PCDH10: variants seen among roughly 807,000 people sequenced by gnomAD.
PCDH10 encodes protocadherin-10.
A neutral mutation model predicts 74.4 loss-of-function variants in PCDH10; 15 were observed. The observed-to-expected ratio is 0.20, with a 90% CI of 0.13 to 0.31. PCDH10 has a LOEUF of 0.31. Ranked by LOEUF, PCDH10 falls within the 10% of genes least tolerant of loss-of-function variation. PCDH10 has a pLI of 1.00. For synonymous variants in PCDH10, 619 were observed against 589.8 expected, an observed-to-expected ratio of 1.05 and a Z score of -0.72; for missense variants, 1,260 against 1,390.2, an observed-to-expected ratio of 0.91 and a Z score of 1.49.
In PCDH10 at chr4:133,151,325, C is replaced by T; in HGVS notation, c.1185C>T (p.Cys395=). The change falls in exon 1 of 5, where the codon TGC becomes TGT. Residue 395 remains cysteine (C), a synonymous_variant. Coordinates refer to ENST00000264360, the MANE Select transcript of PCDH10 (RefSeq NM_032961.3). ...CAGAGGAGAATGGGCAGGTGCAGTG[C>T]GAGCTACTGGGAGACGTGCCTTTCC... ...RDSEENGQVQ[C]ELLGDVPFRL... 6.2e-7 allele frequency: 1 copy of T among 1,614,168 alleles called. No individual in the cohort carries two copies. The highest frequency in any genetic ancestry group is 8.5e-7 in the Non-Finnish European group (1 of 1,180,024).
intron 3 of PCDH10, among the ~76,000 whole-genome samples, chr4:133,162,028 T>C (rs1260309704): frequency 1.3e-5 from 2 of 152,204 alleles, no homozygotes; most frequent in Admixed American, 6.5e-5. Flanking sequence ...AGAAACTGAA[T>C]GACCTTTCTT....
At chr4:133,187,425 A>T (rs1727566220) in intron 4 of PCDH10, among the ~76,000 whole-genome samples, 1 of 152,222 alleles carries the variant, frequency 6.6e-6, no homozygotes, top group South Asian at 2.1e-4. Context: ...CAACCTGGAA[A>T]CAGGCCCTCA....
Position 133,192,359 on chromosome 4 carries a change from C to T in PCDH10, c.*2199C>T, listed in dbSNP as rs1727696637. The T allele has an allele frequency of 6.6e-6, 1 of 151,462 alleles. No individual in the cohort carries two copies. Among genetic ancestry groups the T allele is most frequent in the Admixed American group, 6.6e-5 (1 of 15,172 alleles). The allele number at this position is 151,462 out of a possible 1,614,324, so 9.4% of individuals were successfully genotyped here. A position where few individuals can be genotyped will look rare whatever the true frequency, so the allele number is the denominator to read the frequency against. ...AAAATGATTTTCTTGTTGAGTCACT[C>T]TGCTTTAATTAAAATGTTTCACGCA... On this transcript the variant is annotated 3_prime_UTR_variant, in exon 5 of 5. Coordinates refer to ENST00000264360, the MANE Select transcript of PCDH10 (RefSeq NM_032961.3).
In PCDH10 at chr4:133,163,171, C is replaced by A. The variant is rs747104577; in HGVS notation, c.2992C>A (p.Arg998=). The A allele has an allele frequency of 1.9e-6, 3 of 1,614,090 alleles. No homozygotes were observed. The highest frequency in any genetic ancestry group is 2.5e-6 in the Non-Finnish European group (3 of 1,180,000). Residue 998 remains arginine, a synonymous_variant, in exon 4 of 5, where the codon CGG becomes AGG. Transcript: ENST00000264360. ...TCCAGAAGCCCAGCCTGGGGCAGAG[C>A]GGTCCTTTTCCACCTTTGGCAAAGA... ...ETPEAQPGAE[R]SFSTFGKEKA...
At position 133,152,685 on chromosome 4, in the gene PCDH10, G is replaced by A; in HGVS notation, c.2545G>A (p.Glu849Lys). The A allele has an allele frequency of 5.6e-6, 9 of 1,614,176 alleles. No individual in the cohort carries two copies. The highest frequency in any genetic ancestry group is 7.6e-6 in the Non-Finnish European group (9 of 1,180,032). ...CAGCCCTTCGCGGAGTACGGACACT[G>A]AGCACAACCCCTGCGGGGCCATCGT... The part of the protein sequence containing the change: ...PCSPSRSTDT[E>K]HNPCGAIVTG... The change falls in exon 1 of 5, where the codon GAG becomes AAG. Residue 849 changes from glutamate (E) to lysine (K), a missense_variant. This residue lies in a region of PCDH10 where 587 missense variants were observed against 616.9 expected (regional missense o/e 0.95). Coordinates refer to ENST00000264360, the MANE Select transcript of PCDH10 (RefSeq NM_032961.3).
Position 133,152,747 on chromosome 4 carries a change from C to T in PCDH10, c.2607C>T (p.Ser869=). 2 of 1,614,220 alleles carry T rather than the reference C, an allele frequency of 1.2e-6. No individual in the cohort carries two copies. The highest frequency in any genetic ancestry group is 1.6e-4 in the Middle Eastern group (1 of 6,062). ...GYTDQQPDII[S]NGSILSNETK... ...CCGACCAGCAGCCTGATATCATCTC[C>T]AACGGAAGCATTTTGTCCAACGAGG... The change falls in exon 1 of 5, where the codon TCC becomes TCT. Residue 869 remains serine, a synonymous_variant. Coordinates refer to ENST00000264360, the MANE Select transcript of PCDH10 (RefSeq NM_032961.3).
At chr4:133,163,307 T>C (rs1727012670) in intron 4 of PCDH10, 25 bp downstream of exon 4, 1 of 1,561,024 alleles carries the variant, frequency 6.4e-7, no homozygotes, top group Non-Finnish European at 8.7e-7. Flanking sequence ...AAGGGCTCTG[T>C]TAAAGTGTTC....
At chr4:133,169,006 A>G (rs1273690024) in intron 4 of PCDH10, among the ~76,000 whole-genome samples, 2 of 151,712 alleles carry the variant, frequency 1.3e-5, no homozygotes, top group Non-Finnish European at 3.0e-5. Flanking sequence ...AATATCATGG[A>G]GTGTTTCAGG....
Position 133,151,427 on chromosome 4 carries a change from C to T in PCDH10, c.1287C>T (p.Tyr429=), listed in dbSNP as rs753297734. 3.7e-6 allele frequency: 6 copies of T among 1,613,974 alleles called. No individual in the cohort carries two copies. The East Asian group carries it at 1.1e-4, about 30-fold the overall frequency. ...TGGACCGAGAGGCGGGGGACTCCTA[C>T]ACCCTGACTGTAGTGGCTCGGGACC... ...APLDREAGDS[Y]TLTVVARDRG... Residue 429 remains tyrosine (Y), a synonymous_variant, in exon 1 of 5, where the codon TAC becomes TAT. Transcript: ENST00000264360.
At chr4:133,163,985 T>C (rs1250722473) in intron 4 of PCDH10, 5 of 453,456 alleles carry the variant, frequency 1.1e-5, no homozygotes, top group African/African-American at 1.0e-4. Flanking sequence ...TGGACATAGA[T>C]AAAGCAAATA....
At position 133,193,323 on chromosome 4, in the gene PCDH10, T is replaced by A. The variant is rs1727719850; in HGVS notation, c.*3163T>A. ...TAAGGAAATATGTGTATTTTATTTT[T>A]TAAAGATATTAAATGCACTGCCTTT... On this transcript the variant is annotated 3_prime_UTR_variant, in exon 5 of 5. Transcript: ENST00000264360. 6.7e-6 allele frequency: 1 copy of A among 148,290 alleles called. No homozygotes were observed. The highest frequency in any genetic ancestry group is 2.1e-4 in the South Asian group (1 of 4,736). 9.2% of individuals were successfully genotyped at this position (148,290 alleles called of 1,614,324 possible). A position where few individuals can be genotyped will look rare whatever the true frequency, so the allele number is the denominator to read the frequency against.
At chr4:133,171,632 A>T (rs1238772544) in intron 4 of PCDH10, among the ~76,000 whole-genome samples, 1 of 152,102 alleles carries the variant, frequency 6.6e-6, no homozygotes, top group East Asian at 1.9e-4. Context: ...GTAAGCTTAA[A>T]TGTTTCACAG....
intron 3 of PCDH10, 118 bp downstream of exon 3, chr4:133,155,141 A>G: frequency 1.5e-6 from 1 of 686,122 alleles, no homozygotes; most frequent in Non-Finnish European, 2.6e-6. Flanking sequence ...TGGTAACTCT[A>G]CAGAAAAATA....
intron 4 of PCDH10, among the ~76,000 whole-genome samples, chr4:133,173,715 A>G (rs544105818): frequency 7.0e-6 from 1 of 143,520 alleles, no homozygotes; most frequent in East Asian, 2.1e-4. Context: ...GAGGAAAAAG[A>G]TTTAGTTTCT....
chr4:133,158,079 G>A (rs966905012), intron 3 of PCDH10, among the ~76,000 whole-genome samples: 1 of 152,038 alleles, frequency 6.6e-6, no homozygotes, highest in African/African-American at 2.4e-5. Context: ...GTAGTCCAAG[G>A]AGAAGTGGCA....
Position 133,163,161 on chromosome 4 carries a change from T to G in PCDH10, c.2982T>G (p.Pro994=). ...TGTTTGAAACTCCAGAAGCCCAGCC[T>G]GGGGCAGAGCGGTCCTTTTCCACCT... ...TEVFETPEAQ[P]GAERSFSTFG... The change falls in exon 4 of 5, where the codon CCT becomes CCG. Residue 994 remains proline, a synonymous_variant. Transcript: ENST00000264360. 1 of 1,614,164 alleles carries G rather than the reference T, an allele frequency of 6.2e-7. No homozygotes were observed. Among genetic ancestry groups the G allele is most frequent in the Non-Finnish European group, 8.5e-7 (1 of 1,180,028 alleles).
intron 1 of PCDH10, 57 bp downstream of exon 1, chr4:133,152,828 C>A (rs780815151): frequency 6.2e-7 from 1 of 1,607,250 alleles, no homozygotes; most frequent in Non-Finnish European, 8.5e-7. Flanking sequence ...AAAGCCTCCT[C>A]TAGCCCGGCC....
chr4:133,205,924 G>A (rs1220242895), intron 2 of PCDH10, among the ~76,000 whole-genome samples: 1 of 151,938 alleles, frequency 6.6e-6, no homozygotes. Context: ...TTTCCGAATA[G>A]TGTCTCCTAG....
chr4:133,166,515 G>T (rs1372952553), intron 4 of PCDH10, among the ~76,000 whole-genome samples: 1 of 151,222 alleles, frequency 6.6e-6, no homozygotes, highest in African/African-American at 2.4e-5. Context: ...AAACCATCTG[G>T]ATAATCTCCA....
Sources: gnomAD v4.1 joint callset for allele counts (sites outside exome capture counted in the v4.1 genomes callset) on GRCh38, gnomAD v4.1.1 for gene constraint, gnomAD v4.1.1 regional missense constraint, MANE v1.5 for transcripts, NCBI Gene and HGNC (gene_info 2026-07-23, HGNC 2026-07-21) for gene names.